MAPK6: variants seen among roughly 807,000 people sequenced by gnomAD.
The protein encoded by MAPK6 is mitogen-activated protein kinase 6.
In MAPK6, 19 loss-of-function variants were observed where a neutral mutation model predicts 59.3. The ratio of observed to expected loss-of-function variants is 0.32; its 90% confidence interval spans 0.22 to 0.47. The LOEUF is 0.47. Among genes scored for constraint, MAPK6 ranks in the 20% least tolerant of loss-of-function variants. The pLI is 1.00. For missense variants in MAPK6, 724 were observed against 847.9 expected (o/e 0.85, Z 1.81); for synonymous variants, 316 against 290.3 (o/e 1.09, Z -0.90).
intron 1 of MAPK6, among the ~76,000 whole-genome samples, chr15:52,044,675 A>C (rs1449329469): frequency 6.6e-6 from 1 of 151,776 alleles, no homozygotes; most frequent in Non-Finnish European, 1.5e-5. Flanking sequence ...GGAACCATCT[A>C]CTGGAGTTGA....
chr15:52,024,214 T>A (rs1252148630), intron 1 of MAPK6, among the ~76,000 whole-genome samples: 1 of 152,118 alleles, frequency 6.6e-6, no homozygotes, highest in African/African-American at 2.4e-5. Context: ...CTTGCTTCAT[T>A]CATGTACATC....
intron 3 of MAPK6, among the ~76,000 whole-genome samples, chr15:52,013,244 A>C (rs1418019273): frequency 6.6e-6 from 1 of 151,346 alleles, no homozygotes; most frequent in Non-Finnish European, 1.5e-5. Flanking sequence ...TAATGTAATA[A>C]TCCTATCAAG....
At position 52,045,948 on chromosome 15, in the gene MAPK6, A is replaced by G. The variant is rs2031581667; in HGVS notation, c.-513A>G. On this transcript the variant is annotated 5_prime_UTR_variant, in exon 2 of 6. Coordinates refer to ENST00000261845, the MANE Select transcript of MAPK6 (RefSeq NM_002748.4). The stretch of plus-strand genomic sequence containing the variant: ...ACAGCCGCCAGGGCTTCCTGTTGAA[A>G]TAAATATATAGCAACAAAGGAAAAA... The G allele has an allele frequency of 6.5e-6, 1 of 153,148 alleles. No homozygotes were observed. The highest frequency in any genetic ancestry group is 6.5e-5 in the Admixed American group (1 of 15,364). The allele number at this position is 153,148 out of a possible 1,614,324, so 9.5% of individuals were successfully genotyped here. A position where few individuals can be genotyped will look rare whatever the true frequency, so the allele number is the denominator to read the frequency against.
At chr15:52,021,875 A>C (rs141586746) in intron 1 of MAPK6, among the ~76,000 whole-genome samples, 30 of 152,116 alleles carry the variant, frequency 2.0e-4, no homozygotes, top group African/African-American at 7.2e-4. Flanking sequence ...ATTAGTCACT[A>C]TTTTTCATGG....
At chr15:52,044,222 A>C (rs2031529578) in intron 1 of MAPK6, among the ~76,000 whole-genome samples, 1 of 152,068 alleles carries the variant, frequency 6.6e-6, no homozygotes, top group African/African-American at 2.4e-5. Flanking sequence ...GCAGAGAAAA[A>C]CTTGTAGACA....
chr15:52,027,735 G>C (rs1388444345), intron 1 of MAPK6: 2 of 149,700 alleles, frequency 1.3e-5, no homozygotes, highest in Non-Finnish European at 3.0e-5. Context: ...ACTCTGCTCA[G>C]CCTGTTGATT....
chr15:51,997,348 T>G (rs1274457212), intron 2 of MAPK6, among the ~76,000 whole-genome samples: 3 of 151,532 alleles, frequency 2.0e-5, no homozygotes, highest in Non-Finnish European at 2.9e-5. Flanking sequence ...CTTGGCTCAC[T>G]GCGACCTCTG....
In MAPK6 at chr15:52,054,535, G is replaced by GTC. The variant is rs534961664; in HGVS notation, c.701-4095_701-4094dup. On this transcript the variant is annotated intron_variant, in intron 3 of 5. Transcript: ENST00000261845. ...ATGTAAAATATCTTTTTGTGACCAA[G>GTC]TCTCAAAAGTTACATACTGTCAACT... Among the ~76,000 whole-genome samples the GTC allele has an allele frequency of 4.7e-4, 72 of 152,204 alleles. 1 individual carries two copies. The highest frequency in any genetic ancestry group is 1.4e-3 in the Admixed American group (21 of 15,292).
At chr15:52,053,469 T>C (rs1180982561) in intron 3 of MAPK6, among the ~76,000 whole-genome samples, 3 of 152,222 alleles carry the variant, frequency 2.0e-5, no homozygotes, top group African/African-American at 7.2e-5. Context: ...GGGTTGTCTT[T>C]TTATTATTGA....
intron 2 of MAPK6, among the ~76,000 whole-genome samples, chr15:51,991,965 T>A (rs561954427): frequency 1.2e-4 from 18 of 152,180 alleles, no homozygotes; most frequent in Non-Finnish European, 2.6e-4. Context: ...TATTTATCTA[T>A]TATTTTTTGG....
intron 2 of MAPK6, among the ~76,000 whole-genome samples, chr15:51,985,413 G>T (rs2057187626): frequency 6.6e-6 from 1 of 152,002 alleles, no homozygotes; most frequent in Admixed American, 6.6e-5. Flanking sequence ...CCAACACTTT[G>T]GGAGGCCGAG....
intron 2 of MAPK6, among the ~76,000 whole-genome samples, chr15:51,995,053 T>C (rs1025178480): frequency 3.3e-5 from 5 of 152,192 alleles, no homozygotes; most frequent in African/African-American, 1.2e-4. Flanking sequence ...ATTTTCACAG[T>C]TTAAGCTTTG....
At chr15:52,012,226 T>C (rs1456576136) in intron 3 of MAPK6, among the ~76,000 whole-genome samples, 3 of 152,234 alleles carry the variant, frequency 2.0e-5, no homozygotes, top group Non-Finnish European at 4.4e-5. Context: ...AATTCTCACA[T>C]CTTTTTTTCA....
At chr15:51,975,697 C>G (rs563636450) in intron 1 of MAPK6, among the ~76,000 whole-genome samples, 2 of 151,850 alleles carry the variant, frequency 1.3e-5, no homozygotes, top group East Asian at 3.9e-4. Flanking sequence ...GGTAAACTGC[C>G]ACTCCACAGG....
At chr15:52,059,705 A>G (rs909665189) in intron 4 of MAPK6, among the ~76,000 whole-genome samples, 3 of 152,178 alleles carry the variant, frequency 2.0e-5, no homozygotes, top group Non-Finnish European at 4.4e-5. Flanking sequence ...ATTAAACTGA[A>G]TATTTGGCCA....
At chr15:51,984,302 G>A (rs1246021967) in intron 2 of MAPK6, among the ~76,000 whole-genome samples, 2 of 152,214 alleles carry the variant, frequency 1.3e-5, no homozygotes, top group Middle Eastern at 3.4e-3. Flanking sequence ...TTTTTTCTGA[G>A]ATGGAGTTTC....
upstream of MAPK6, chr15:52,017,771 A>C (rs1163257090): frequency 1.3e-5 from 2 of 152,304 alleles, no homozygotes; most frequent in East Asian, 3.8e-4. Context: ...TTGATGGAAA[A>C]GGAAGGTAAA....
chr15:52,028,187 T>C (rs1028820379), intron 1 of MAPK6, among the ~76,000 whole-genome samples: 2 of 151,418 alleles, frequency 1.3e-5, no homozygotes, highest in Admixed American at 6.6e-5. Flanking sequence ...CTCCTGACCT[T>C]GTGATCCGCC....
intron 1 of MAPK6, among the ~76,000 whole-genome samples, chr15:51,976,218 A>G (rs1365233258): frequency 2.7e-5 from 4 of 148,964 alleles, no homozygotes; most frequent in African/African-American, 9.8e-5. Context: ...GTGAGCTGAG[A>G]TCGTGCCACT....
Sources: allele counts gnomAD v4.1 joint callset (sites outside exome capture counted in the v4.1 genomes callset), GRCh38; gene constraint gnomAD v4.1.1; transcripts MANE v1.5; gene names NCBI Gene and HGNC (gene_info 2026-07-23, HGNC 2026-07-21).